The following FAF2 variants were observed in gnomAD, a reference collection of about 807,000 sequenced individuals.
The protein encoded by FAF2 is FAS-associated factor 2.
In FAF2, 9 loss-of-function variants were observed where a neutral mutation model predicts 62.3. That is an observed-to-expected ratio of 0.14 (90% confidence interval 0.09 to 0.25). FAF2 has a LOEUF of 0.25. Among genes scored for constraint, FAF2 ranks in the 10% least tolerant of loss-of-function variants. FAF2 has a pLI of 1.00. For missense variants in FAF2, 368 were observed against 556.2 expected (o/e 0.66, Z 3.40); for synonymous variants, 202 against 198.0 (o/e 1.02, Z -0.17).
intron 9 of FAF2, among the ~76,000 whole-genome samples, chr5:176,499,616 C>CT (rs879781609): frequency 1.5e-3 from 217 of 144,400 alleles, no homozygotes; most frequent in African/African-American, 3.8e-3. Context: ...CCTTTTATTT[C>CT]TTTTTTTTTT....
At chr5:176,495,074 T>C (rs1043471108) in intron 7 of FAF2, among the ~76,000 whole-genome samples, 7 of 152,340 alleles carry the variant, frequency 4.6e-5, no homozygotes, top group East Asian at 3.9e-4. Flanking sequence ...AGTGCTGATA[T>C]GGATTTGGAA....
chr5:176,503,675 G>C (rs1755632430), intron 10 of FAF2, among the ~76,000 whole-genome samples: 1 of 152,108 alleles, frequency 6.6e-6, no homozygotes, highest in Non-Finnish European at 1.5e-5. Context: ...GCAATGCTAA[G>C]ATAAAAGGGG....
chr5:176,455,723 T>C (rs1029052195), intron 1 of FAF2, among the ~76,000 whole-genome samples: 4 of 152,278 alleles, frequency 2.6e-5, no homozygotes, highest in Admixed American at 2.6e-4. Context: ...CACTCCAGCC[T>C]GGGTGACAGA....
chr5:176,503,970 T>C (rs1755636029), intron 10 of FAF2, among the ~76,000 whole-genome samples: 1 of 151,894 alleles, frequency 6.6e-6, no homozygotes, highest in Non-Finnish European at 1.5e-5. Flanking sequence ...GAGACCAGCC[T>C]GGCCAACATG....
intron 2 of FAF2, among the ~76,000 whole-genome samples, chr5:176,479,766 A>G (rs1001650650): frequency 6.6e-6 from 1 of 151,514 alleles, no homozygotes; most frequent in African/African-American, 2.4e-5. Flanking sequence ...GCGTGCTCTC[A>G]GCTCACTGCA....
At chr5:176,462,451 C>T (rs547070900) in intron 1 of FAF2, among the ~76,000 whole-genome samples, 2 of 151,990 alleles carry the variant, frequency 1.3e-5, no homozygotes, top group South Asian at 2.1e-4. Flanking sequence ...TGGTGAAACC[C>T]CATCTCTACT....
At chr5:176,452,743 G>A (rs1758211450) in intron 1 of FAF2, among the ~76,000 whole-genome samples, 1 of 152,224 alleles carries the variant, frequency 6.6e-6, no homozygotes, top group Non-Finnish European at 1.5e-5. Context: ...ATTAAAGCCA[G>A]ATTTTGGAGG....
chr5:176,457,691 G>A (rs762820887), intron 1 of FAF2, among the ~76,000 whole-genome samples: 40 of 151,866 alleles, frequency 2.6e-4, no homozygotes, highest in Non-Finnish European at 4.3e-4. Context: ...ACTACTGTTA[G>A]TGAGAGTGCC....
In FAF2 at chr5:176,450,094, T is replaced by G. The variant is rs1483685498; in HGVS notation, c.63+1624T>G. On this transcript the variant is annotated intron_variant, in intron 1 of 10. Coordinates refer to ENST00000261942, the MANE Select transcript of FAF2 (RefSeq NM_014613.3). ...AATGCAAATGCTGAGAAAATAAATA[T>G]TTTTTTGGCGAGTTCTCACTTTTTT... Among the ~76,000 whole-genome samples, 3 of 152,190 alleles carry G rather than the reference T, an allele frequency of 2.0e-5. No individual in the cohort carries two copies. The East Asian group carries it at 5.8e-4, about 29-fold the overall frequency.
At chr5:176,499,886 G>GT in intron 9 of FAF2, 117 bp from the exon 10 acceptor site, 1 of 1,250,720 alleles carries the variant, frequency 8.0e-7, no homozygotes, top group Non-Finnish European at 1.1e-6. Context: ...TTCCTGAGAG[G>GT]TTTTTCTTAG....
intron 5 of FAF2, among the ~76,000 whole-genome samples, chr5:176,493,238 T>C (rs1222395252): frequency 2.0e-5 from 3 of 152,228 alleles, no homozygotes; most frequent in African/African-American, 7.2e-5. Flanking sequence ...TTTATCATAG[T>C]CAGTCTCCTC....
At chr5:176,454,452 C>A (rs1758244866) in intron 1 of FAF2, among the ~76,000 whole-genome samples, 1 of 151,304 alleles carries the variant, frequency 6.6e-6, no homozygotes, top group Non-Finnish European at 1.5e-5. Flanking sequence ...GTGGCACAGG[C>A]CTGTAATCCC....
intron 10 of FAF2, among the ~76,000 whole-genome samples, chr5:176,503,322 A>C (rs1755625376): frequency 6.6e-6 from 1 of 152,074 alleles, no homozygotes; most frequent in South Asian, 2.1e-4. Context: ...TGGGAGGCTG[A>C]GGTGGGCGGA....
intron 7 of FAF2, among the ~76,000 whole-genome samples, chr5:176,495,575 G>A (rs1198882975): frequency 1.3e-5 from 2 of 148,340 alleles, no homozygotes; most frequent in Non-Finnish European, 3.0e-5. Flanking sequence ...GCAGTGGTGC[G>A]ATCTCAGTTC....
chr5:176,482,795 C>T (rs1011541271), intron 2 of FAF2, among the ~76,000 whole-genome samples: 86 of 152,278 alleles, frequency 5.6e-4, no homozygotes, highest in African/African-American at 1.8e-3. Context: ...GGATTCCAGA[C>T]GTGAGCCACC....
At chr5:176,452,957 A>G (rs887984917) in intron 1 of FAF2, among the ~76,000 whole-genome samples, 2 of 152,206 alleles carry the variant, frequency 1.3e-5, no homozygotes, top group African/African-American at 2.4e-5. Context: ...TTCATTTGGT[A>G]TATTGAAATC....
chr5:176,460,704 C>T (rs1758363829), intron 1 of FAF2, among the ~76,000 whole-genome samples: 1 of 152,040 alleles, frequency 6.6e-6, no homozygotes, highest in African/African-American at 2.4e-5. Flanking sequence ...GTAATCCCAG[C>T]ACTTTGGGAG....
chr5:176,500,916 C>G (rs1245815989), intron 10 of FAF2, among the ~76,000 whole-genome samples: 2 of 152,120 alleles, frequency 1.3e-5, no homozygotes, highest in Non-Finnish European at 2.9e-5. Flanking sequence ...CATTTGAGGT[C>G]AGGAGTTTGA....
At chr5:176,477,091 A>G in intron 1 of FAF2, among the ~76,000 whole-genome samples, 1 of 140,940 alleles carries the variant, frequency 7.1e-6, no homozygotes, top group African/African-American at 2.7e-5. Context: ...TACAGGCGTG[A>G]GCCACCGTGC....
Sources: gnomAD v4.1 joint callset for allele counts (sites outside exome capture counted in the v4.1 genomes callset) on GRCh38, gnomAD v4.1.1 for gene constraint, MANE v1.5 for transcripts, NCBI Gene and HGNC (gene_info 2026-07-23, HGNC 2026-07-21) for gene names.